The following TSHZ3 variants were observed in gnomAD, a reference collection of about 807,000 sequenced individuals.
TSHZ3 encodes the protein teashirt zinc finger homeobox 3.
TSHZ3 carries 10 observed loss-of-function variants against 64.5 expected under a neutral mutation model. The observed-to-expected ratio is 0.16, with a 90% CI of 0.10 to 0.26. The LOEUF (loss-of-function observed/expected upper bound fraction) is 0.26, where lower values mean the gene tolerates loss of function less well. Among genes scored for constraint, TSHZ3 ranks in the 10% least tolerant of loss-of-function variants. The pLI is 1.00. For missense variants in TSHZ3, 1,242 were observed against 1,421.7 expected (o/e 0.87, Z 2.03); for synonymous variants, 608 against 593.1 (o/e 1.03, Z -0.36).
At chr19:31,247,844 C>T (rs777078934) in intron 1 of TSHZ3, among the ~76,000 whole-genome samples, 3 of 139,824 alleles carry the variant, frequency 2.1e-5, no homozygotes, top group African/African-American at 3.0e-5. Context: ...TGCGTGTATA[C>T]ACACAATTAC....
chr19:31,189,672 T>C (rs1055258643), intron 5 of TSHZ3, among the ~76,000 whole-genome samples: 4 of 152,084 alleles, frequency 2.6e-5, no homozygotes, highest in African/African-American at 7.2e-5. Flanking sequence ...TCTTGGTGAA[T>C]GTTCCAGATG....
intron 1 of TSHZ3, among the ~76,000 whole-genome samples, chr19:31,333,312 G>A (rs1473706923): frequency 6.6e-6 from 1 of 151,962 alleles, no homozygotes; most frequent in Admixed American, 6.6e-5. Flanking sequence ...TTATGACCAA[G>A]GACATGCGAG....
chr19:31,217,284 T>A (rs527620853), intron 4 of TSHZ3, among the ~76,000 whole-genome samples: 1 of 152,006 alleles, frequency 6.6e-6, no homozygotes, highest in South Asian at 2.1e-4. Context: ...CAGAAAGAAA[T>A]CCAGTGGTGC....
chr19:31,184,704 T>G (rs1399746985), intron 5 of TSHZ3, among the ~76,000 whole-genome samples: 1 of 152,212 alleles, frequency 6.6e-6, no homozygotes, highest in African/African-American at 2.4e-5. Context: ...GTTTTGCTAT[T>G]TTCCTGATTA....
At chr19:31,318,773 T>C (rs1054198742) in intron 1 of TSHZ3, among the ~76,000 whole-genome samples, 1 of 152,206 alleles carries the variant, frequency 6.6e-6, no homozygotes, top group African/African-American at 2.4e-5. Context: ...AGCCCAACTA[T>C]GGCTCAGAAA....
Position 31,276,522 on chromosome 19 carries a change from C to T in TSHZ3, c.*25G>A. 1 of 1,524,838 alleles carries T rather than the reference C, an allele frequency of 6.6e-7. No homozygotes were observed. Among genetic ancestry groups the T allele is most frequent in the Non-Finnish European group, 8.8e-7 (1 of 1,134,130 alleles). The allele number at this position is 1,524,838 out of a possible 1,614,324, so 94.5% of individuals were successfully genotyped here. A position where few individuals can be genotyped will look rare whatever the true frequency, so the allele number is the denominator to read the frequency against. On this transcript the variant is annotated 3_prime_UTR_variant, in exon 2 of 2. Transcript: ENST00000240587. ...CCACAGTTTCCCTCAAAGCAAACTG[C>T]AGTCCTTTCTATCAAAAGCAAATGC...
intron 5 of TSHZ3, among the ~76,000 whole-genome samples, chr19:31,178,858 C>G (rs1444032096): frequency 6.6e-6 from 1 of 152,044 alleles, no homozygotes; most frequent in Non-Finnish European, 1.5e-5. Flanking sequence ...TGAGCTGAGT[C>G]CTGGAGGATG....
intron 1 of TSHZ3, among the ~76,000 whole-genome samples, chr19:31,341,660 C>T (rs962170111): frequency 6.8e-6 from 1 of 146,304 alleles, no homozygotes; most frequent in African/African-American, 2.8e-5. Flanking sequence ...CACACACACA[C>T]ACACACACAC....
intron 1 of TSHZ3, among the ~76,000 whole-genome samples, chr19:31,297,180 A>G (rs1045183671): frequency 6.6e-6 from 1 of 152,122 alleles, no homozygotes; most frequent in African/African-American, 2.4e-5. Flanking sequence ...GTTCGAGGCC[A>G]ACTGCCTCCT....
intron 6 of TSHZ3, among the ~76,000 whole-genome samples, chr19:31,153,082 G>A (rs28398821): frequency 0.018 from 2,680 of 152,264 alleles, 83 homozygotes; most frequent in African/African-American, 0.057. Flanking sequence ...CTCACTGGAT[G>A]GTTTCATGGA....
At chr19:31,154,473 C>A (rs1974278012) in intron 6 of TSHZ3, among the ~76,000 whole-genome samples, 1 of 152,076 alleles carries the variant, frequency 6.6e-6, no homozygotes, top group African/African-American at 2.4e-5. Flanking sequence ...AGAAGAGAAC[C>A]ACCTGACTAA....
At chr19:31,337,594 C>A (rs1295574454) in intron 1 of TSHZ3, among the ~76,000 whole-genome samples, 1 of 152,138 alleles carries the variant, frequency 6.6e-6, no homozygotes, top group African/African-American at 2.4e-5. Context: ...TTCCAGGCAC[C>A]AACAAAGAAT....
At position 31,264,971 on chromosome 19, in the gene TSHZ3, C is replaced by T. The variant is rs111745221; in HGVS notation, n.64-22096G>A. Among the ~76,000 whole-genome samples the T allele has an allele frequency of 6.0e-4, 92 of 152,214 alleles. No individual in the cohort carries two copies. The South Asian group carries it at 0.017, about 27-fold the overall frequency. On this transcript the variant is annotated intron_variant and non_coding_transcript_variant, in intron 1 of 6. Coordinates refer to the TSHZ3 transcript ENST00000651361. The stretch of plus-strand genomic sequence containing the variant: ...ACTCTGACTGTGGGGTAGGGGTCCC[C>T]AGCTATACCTTGTGGAGAGAGTGGC...
At chr19:31,184,216 A>G (rs1043207039) in intron 5 of TSHZ3, among the ~76,000 whole-genome samples, 1 of 152,086 alleles carries the variant, frequency 6.6e-6, no homozygotes, top group African/African-American at 2.4e-5. Flanking sequence ...TTTCTTTTTT[A>G]AGATAATTGT....
intron 5 of TSHZ3, among the ~76,000 whole-genome samples, chr19:31,180,087 T>C (rs1430387153): frequency 6.6e-6 from 1 of 152,130 alleles, no homozygotes; most frequent in Non-Finnish European, 1.5e-5. Flanking sequence ...TATAATTACA[T>C]TTGAGTTTGT....
At chr19:31,174,006 T>C (rs1159432551) in intron 5 of TSHZ3, among the ~76,000 whole-genome samples, 2 of 152,308 alleles carry the variant, frequency 1.3e-5, no homozygotes, top group East Asian at 1.9e-4. Flanking sequence ...AGGTGGAGAC[T>C]GCAATGAGCT....
At chr19:31,241,514 A>G (rs1275007079) in intron 3 of TSHZ3, among the ~76,000 whole-genome samples, 1 of 152,090 alleles carries the variant, frequency 6.6e-6, no homozygotes, top group Non-Finnish European at 1.5e-5. Context: ...CAATCTCCCA[A>G]CAGCTTAACT....
chr19:31,276,998 C>G lies in TSHZ3; in HGVS notation c.2795G>C (p.Arg932Pro). ...YIMSDLSPQE[R>P]MHISRFTGLS... ...CCCGGTGAACCTGGAGATATGCATCCGCTCCTGGGGGCTCAGGTCTGACAT... is the reference window on the plus strand; with the variant it reads ...CCCGGTGAACCTGGAGATATGCATCGGCTCCTGGGGGCTCAGGTCTGACAT... Residue 932 changes from arginine to proline, a missense_variant, in exon 2 of 2, where the codon CGG (arginine) becomes CCG (proline). By Grantham distance (103) the Arg-to-Pro change is moderately radical (BLOSUM62 -2). Transcript: ENST00000240587. The G allele has an allele frequency of 6.2e-7, 1 of 1,612,870 alleles. No homozygotes were observed. The highest frequency in any genetic ancestry group is 8.5e-7 in the Non-Finnish European group (1 of 1,179,078).
chr19:31,309,201 C>A (rs1292438541), intron 1 of TSHZ3, among the ~76,000 whole-genome samples: 1 of 152,206 alleles, frequency 6.6e-6, no homozygotes, highest in Non-Finnish European at 1.5e-5. Flanking sequence ...CTTGGGGGTC[C>A]CTATGGTCTC....
Sources: allele counts gnomAD v4.1 joint callset (sites outside exome capture counted in the v4.1 genomes callset), GRCh38; gene constraint gnomAD v4.1.1; transcripts MANE v1.5; gene names NCBI Gene and HGNC (gene_info 2026-07-23, HGNC 2026-07-21).